The following NMT2 variants were observed in gnomAD, a reference collection of about 807,000 sequenced individuals.
The protein encoded by NMT2 is glycylpeptide N-tetradecanoyltransferase 2.
Under a neutral mutation model 65.4 loss-of-function variants are expected in NMT2, and 35 were observed. That is an observed-to-expected ratio of 0.54 (90% CI 0.41 to 0.71). The LOEUF is 0.71. Among genes scored for constraint, NMT2 ranks in the 30% least tolerant of loss-of-function variants. The pLI is 0.00. For synonymous variants in NMT2, 226 were observed against 231.8 expected (o/e 0.98, Z 0.23); for missense variants, 489 against 611.3 (o/e 0.80, Z 2.11).
At chr10:15,144,854 A>G (rs889244932) in intron 1 of NMT2, among the ~76,000 whole-genome samples, 6 of 152,246 alleles carry the variant, frequency 3.9e-5, no homozygotes, top group African/African-American at 1.4e-4. Context: ...TCCTCAAAAC[A>G]CTAAACACAG....
chr10:15,165,023 C>T (rs1197005935), intron 1 of NMT2, among the ~76,000 whole-genome samples: 4 of 151,986 alleles, frequency 2.6e-5, no homozygotes, highest in South Asian at 2.1e-4. Context: ...ATTAGCTGGG[C>T]GTGGTGATGC....
intron 1 of NMT2, among the ~76,000 whole-genome samples, chr10:15,159,400 T>TTATC (rs1833110306): frequency 8.9e-6 from 1 of 112,880 alleles, no homozygotes; most frequent in East Asian, 2.1e-4. Context: ...CTTAAAATAT[T>TTATC]TATTTATTTA....
At chr10:15,116,328 G>C (rs1301558715) in intron 9 of NMT2, among the ~76,000 whole-genome samples, 1 of 152,092 alleles carries the variant, frequency 6.6e-6, no homozygotes, top group African/African-American at 2.4e-5. Flanking sequence ...TCTAAGTAGG[G>C]GTGGGCTAAA....
At chr10:15,134,901 A>T (rs1846421218) in intron 3 of NMT2, among the ~76,000 whole-genome samples, 2 of 152,116 alleles carry the variant, frequency 1.3e-5, no homozygotes, top group Non-Finnish European at 2.9e-5. Flanking sequence ...AGGATGGATC[A>T]CTTGAGCCCA....
Position 15,112,955 on chromosome 10 carries a change from G to C in NMT2, c.1179C>G (p.Asn393Lys), listed in dbSNP as rs200193409. 13 of 1,613,912 alleles carry C rather than the reference G, an allele frequency of 8.1e-6. No individual in the cohort carries two copies. Among genetic ancestry groups the C allele is most frequent in the Admixed American group, 3.3e-5 (2 of 59,988 alleles). The change falls in exon 10 of 12, where the codon AAC (asparagine) becomes AAG (lysine). Residue 393 changes from asparagine (N) to lysine (K), a missense_variant. Transcript: ENST00000378165. ...IIDTFVVESPNGKLTDFLSFY... is the reference protein window; with the variant it reads ...IIDTFVVESPKGKLTDFLSFY... The stretch of plus-strand genomic sequence containing the variant: ...AGCTCAGGAAATCAGTCAGTTTACC[G>C]TTGGGGCTCTAGGAGCAAAAGTGCT...
Position 15,108,428 on chromosome 10 carries a change from G to A in NMT2, c.*767C>T. ...TCTCGATCTCCTGACCTCATGATCTGCCCACCTTGGCCTCCCAAAGTGCTG... is the reference window on the plus strand; with the variant it reads ...TCTCGATCTCCTGACCTCATGATCTACCCACCTTGGCCTCCCAAAGTGCTG... On this transcript the variant is annotated 3_prime_UTR_variant, in exon 12 of 12. Transcript: ENST00000378165. 1 of 762,490 alleles carries A rather than the reference G, an allele frequency of 1.3e-6. No individual in the cohort carries two copies. Among genetic ancestry groups the A allele is most frequent in the Non-Finnish European group, 1.6e-6 (1 of 626,960 alleles). The allele number at this position is 762,490 out of a possible 1,614,324, so 47.2% of individuals were successfully genotyped here. A position where few individuals can be genotyped will look rare whatever the true frequency, so the allele number is the denominator to read the frequency against.
At chr10:15,159,887 T>G (rs4748143) in intron 1 of NMT2, among the ~76,000 whole-genome samples, 13,600 of 152,124 alleles carry the variant, frequency 0.089, 743 homozygotes, top group East Asian at 0.14. Flanking sequence ...AGCAGAGGGC[T>G]GGGGAGATGA....
chr10:15,163,764 CT>C (rs1564595463), intron 1 of NMT2, among the ~76,000 whole-genome samples: 1 of 152,152 alleles, frequency 6.6e-6, no homozygotes, highest in African/African-American at 2.4e-5. Flanking sequence ...GAAGAACTTC[CT>C]TTTTTTACCC....
intron 8 of NMT2, among the ~76,000 whole-genome samples, chr10:15,125,169 C>T (rs968083668): frequency 2.0e-5 from 3 of 152,196 alleles, no homozygotes; most frequent in Admixed American, 6.5e-5. Flanking sequence ...ATAAGAAGTA[C>T]TAACTTCAAA....
In NMT2 at chr10:15,153,077, GCTCT is replaced by G. The variant is rs1389930451; in HGVS notation, c.111-11524_111-11521del. On this transcript the variant is annotated intron_variant, in intron 1 of 11. Coordinates refer to ENST00000378165, the MANE Select transcript of NMT2 (RefSeq NM_004808.3). Reference sequence around the variant, plus strand: ...ATAGAAGAGAAGGGAAAGAGAAACAGCTCTCTCTATATATAGAGAGAGGAGTCTC... The same window carrying G: ...ATAGAAGAGAAGGGAAAGAGAAACAGCTCTATATATAGAGAGAGGAGTCTC... 7.2e-5 allele frequency among the ~76,000 whole-genome samples: 11 copies of G among 151,926 alleles called. 1 individual carries two copies. Among genetic ancestry groups the G allele is most frequent in the Non-Finnish European group, 1.6e-4 (11 of 67,988 alleles).
intron 7 of NMT2, among the ~76,000 whole-genome samples, chr10:15,129,615 C>G (rs1302995532): frequency 6.6e-6 from 1 of 152,106 alleles, no homozygotes; most frequent in African/African-American, 2.4e-5. Flanking sequence ...ATTTTAAGAT[C>G]ATCATGTCCT....
intron 2 of NMT2, among the ~76,000 whole-genome samples, chr10:15,136,095 C>A (rs1846483188): frequency 6.6e-6 from 1 of 151,858 alleles, no homozygotes; most frequent in African/African-American, 2.4e-5. Context: ...GGCATGATGG[C>A]AGGTAATCCC....
intron 8 of NMT2, among the ~76,000 whole-genome samples, chr10:15,121,471 G>T (rs1413494378): frequency 1.3e-5 from 2 of 152,122 alleles, no homozygotes; most frequent in South Asian, 4.1e-4. Context: ...GGGTTCAATC[G>T]ATTCTCTTGC....
At chr10:15,156,552 T>C (rs937419901) in intron 1 of NMT2, among the ~76,000 whole-genome samples, 1 of 152,200 alleles carries the variant, frequency 6.6e-6, no homozygotes, top group African/African-American at 2.4e-5. Context: ...TATATGAATA[T>C]ACCAAGGCAT....
At chr10:15,127,276 G>A (rs1032463618) in intron 8 of NMT2, among the ~76,000 whole-genome samples, 1 of 149,910 alleles carries the variant, frequency 6.7e-6, no homozygotes, top group Admixed American at 6.6e-5. Context: ...CGCCAGGCGT[G>A]GTGGCTCACT....
At chr10:15,157,609 A>G (rs909060362) in intron 1 of NMT2, among the ~76,000 whole-genome samples, 3 of 152,226 alleles carry the variant, frequency 2.0e-5, no homozygotes, top group African/African-American at 7.2e-5. Flanking sequence ...AAGCCATGAA[A>G]GAAGCAAAAA....
intron 2 of NMT2, chr10:15,140,947 G>A (rs755598016): frequency 5.3e-5 from 80 of 1,521,160 alleles, no homozygotes; most frequent in South Asian, 3.1e-4. Flanking sequence ...AAGAACGACC[G>A]CTGCAAACTG....
intron 8 of NMT2, among the ~76,000 whole-genome samples, chr10:15,127,038 C>T (rs1223219002): frequency 6.6e-6 from 1 of 151,608 alleles, no homozygotes; most frequent in Non-Finnish European, 1.5e-5. Context: ...CAAGACCAGC[C>T]TGGCCAACAT....
chr10:15,132,722 T>C, intron 6 of NMT2, 95 bp downstream of exon 6: 2 of 881,342 alleles, frequency 2.3e-6, no homozygotes, highest in South Asian at 3.3e-5. Context: ...GCCACTGCGC[T>C]TGGCCTGCAT....
Sources: allele counts gnomAD v4.1 joint callset (sites outside exome capture counted in the v4.1 genomes callset), GRCh38; gene constraint gnomAD v4.1.1; transcripts MANE v1.5; gene names NCBI Gene and HGNC (gene_info 2026-07-23, HGNC 2026-07-21).